The following TFEC variants were observed in gnomAD, a reference collection of about 807,000 sequenced individuals.
The protein encoded by TFEC is transcription factor EC.
A neutral mutation model predicts 41.6 loss-of-function variants in TFEC; 31 were observed. That is an observed-to-expected ratio of 0.74 (90% confidence interval 0.56 to 1.01). The LOEUF is 1.01. TFEC is among the 50% of genes least tolerant of loss of function. The pLI, the probability that TFEC is intolerant of heterozygous loss-of-function variation, is 0.00. For synonymous variants in TFEC, 143 were observed against 140.6 expected, an observed-to-expected ratio of 1.02 and a Z score of -0.12; for missense variants, 402 against 404.1, an observed-to-expected ratio of 0.99 and a Z score of 0.04.
rs1190712213 is a variant in TFEC, at chr7:115,936,112, T to C, written c.*4439A>G. Reference sequence around the variant, plus strand: ...TTTTTCTGCTTTTGGATTGTTTCCTTGTTTTCAAATTAAAATTCATACAAA... The same window carrying C: ...TTTTTCTGCTTTTGGATTGTTTCCTCGTTTTCAAATTAAAATTCATACAAA... On this transcript the variant is annotated 3_prime_UTR_variant, in exon 8 of 8. Transcript: ENST00000265440. The C allele has an allele frequency of 1.3e-5, 2 of 151,638 alleles. No homozygotes were observed. The highest frequency in any genetic ancestry group is 3.0e-5 in the Non-Finnish European group (2 of 67,636). 9.4% of individuals were successfully genotyped at this position (151,638 alleles called of 1,614,324 possible). A position where few individuals can be genotyped will look rare whatever the true frequency, so the allele number is the denominator to read the frequency against.
chr7:116,106,853 G>A (rs563416610), intron 3 of TFEC, among the ~76,000 whole-genome samples: 17 of 152,316 alleles, frequency 1.1e-4, no homozygotes, highest in African/African-American at 3.8e-4. Context: ...CAGGGTGTCT[G>A]TTTACATATC....
chr7:116,145,461 C>A (rs1303984091), intron 1 of TFEC, among the ~76,000 whole-genome samples: 1 of 152,166 alleles, frequency 6.6e-6, no homozygotes, highest in Non-Finnish European at 1.5e-5. Flanking sequence ...AGCACAGAGA[C>A]CACTTCCTTT....
upstream of TFEC, among the ~76,000 whole-genome samples, chr7:116,034,764 T>C (rs1795871625): frequency 6.6e-6 from 1 of 151,970 alleles, no homozygotes; most frequent in African/African-American, 2.4e-5. Flanking sequence ...GTAGCTTTTC[T>C]ATTCAAAACT....
chr7:116,100,324 T>C (rs942992945), intron 3 of TFEC, among the ~76,000 whole-genome samples: 1 of 152,228 alleles, frequency 6.6e-6, no homozygotes, highest in Non-Finnish European at 1.5e-5. Context: ...TCTGTCACTG[T>C]AATTTTGCCA....
intron 3 of TFEC, among the ~76,000 whole-genome samples, chr7:116,040,495 T>C (rs1324948735): frequency 6.6e-6 from 1 of 152,216 alleles, no homozygotes; most frequent in Non-Finnish European, 1.5e-5. Context: ...TAGTGATACA[T>C]AAAATAGAAA....
intron 3 of TFEC, among the ~76,000 whole-genome samples, chr7:115,960,819 A>C (rs554007120): frequency 7.3e-5 from 11 of 151,672 alleles, no homozygotes; most frequent in African/African-American, 2.7e-4. Context: ...TTAAAACTTA[A>C]AGAATGGAAA....
intron 3 of TFEC, among the ~76,000 whole-genome samples, chr7:116,094,217 C>T (rs1252112069): frequency 6.6e-6 from 1 of 152,144 alleles, no homozygotes; most frequent in Non-Finnish European, 1.5e-5. Flanking sequence ...ACCTGGTAAC[C>T]TGAACAATGT....
intron 1 of TFEC, among the ~76,000 whole-genome samples, chr7:116,026,235 A>G (rs537897742): frequency 6.6e-6 from 1 of 152,346 alleles, no homozygotes; most frequent in Non-Finnish European, 1.5e-5. Context: ...ACAACTCTGC[A>G]CATGCTAGTC....
chr7:115,997,478 G>A (rs560235579), intron 1 of TFEC, among the ~76,000 whole-genome samples: 3 of 152,192 alleles, frequency 2.0e-5, no homozygotes, highest in African/African-American at 2.4e-5. Flanking sequence ...TTCCCAAGAC[G>A]GATGGGTACA....
At chr7:116,056,343 G>T (rs1326169375) in intron 3 of TFEC, among the ~76,000 whole-genome samples, 1 of 152,138 alleles carries the variant, frequency 6.6e-6, no homozygotes, top group African/African-American at 2.4e-5. Context: ...GGTAGCTAGA[G>T]TTCTCAAGAC....
At chr7:116,052,612 AG>A (rs941688944) in intron 3 of TFEC, among the ~76,000 whole-genome samples, 1 of 151,836 alleles carries the variant, frequency 6.6e-6, no homozygotes, top group African/African-American at 2.4e-5. Flanking sequence ...TATTTTTAGT[AG>A]AAACAGGGCT....
chr7:116,069,986 AT>A (rs1796787055), intron 3 of TFEC, among the ~76,000 whole-genome samples: 1 of 151,560 alleles, frequency 6.6e-6, no homozygotes, highest in Non-Finnish European at 1.5e-5. Flanking sequence ...ATGTAGATGT[AT>A]AAAACAATGT....
At chr7:116,067,038 G>T (rs959525835) in intron 3 of TFEC, among the ~76,000 whole-genome samples, 2 of 151,924 alleles carry the variant, frequency 1.3e-5, no homozygotes, top group East Asian at 3.8e-4. Flanking sequence ...TTTATAAAAT[G>T]GAAAAATATA....
intron 1 of TFEC, among the ~76,000 whole-genome samples, chr7:116,024,671 C>T (rs1170671491): frequency 6.6e-6 from 1 of 152,156 alleles, no homozygotes; most frequent in Non-Finnish European, 1.5e-5. Context: ...CAATACAACT[C>T]TTCTAAAATG....
chr7:116,051,638 G>T (rs1443268820), intron 3 of TFEC, among the ~76,000 whole-genome samples: 1 of 152,124 alleles, frequency 6.6e-6, no homozygotes, highest in African/African-American at 2.4e-5. Context: ...GTACATGTGT[G>T]TGCTTATGTA....
intron 3 of TFEC, among the ~76,000 whole-genome samples, chr7:116,036,333 G>A (rs1795908840): frequency 6.6e-6 from 1 of 152,020 alleles, no homozygotes; most frequent in South Asian, 2.1e-4. Flanking sequence ...CTGCCTTCAC[G>A]AACACATTAA....
chr7:116,106,661 C>T (rs1432491301), intron 3 of TFEC, among the ~76,000 whole-genome samples: 1 of 152,176 alleles, frequency 6.6e-6, no homozygotes, highest in Non-Finnish European at 1.5e-5. Context: ...TCTGGGATTA[C>T]AGGCATGAGC....
At chr7:115,974,780 G>A (rs1009397275) in intron 2 of TFEC, among the ~76,000 whole-genome samples, 6 of 151,638 alleles carry the variant, frequency 4.0e-5, no homozygotes, top group East Asian at 1.9e-4. Context: ...TAGAAGAGAC[G>A]GAAACATTTC....
chr7:116,072,209 A>G (rs1796846137), intron 3 of TFEC, among the ~76,000 whole-genome samples: 1 of 151,442 alleles, frequency 6.6e-6, no homozygotes, highest in Admixed American at 6.6e-5. Context: ...ATTCTTTAGA[A>G]TTTTCTATGT....
Sources: allele counts gnomAD v4.1 joint callset (sites outside exome capture counted in the v4.1 genomes callset), GRCh38; gene constraint gnomAD v4.1.1; transcripts MANE v1.5; gene names NCBI Gene and HGNC (gene_info 2026-07-23, HGNC 2026-07-21).